The following TXNDC16 variants were observed in gnomAD, a reference collection of about 807,000 sequenced individuals.
The protein encoded by TXNDC16 is thioredoxin domain-containing protein 16.
In TXNDC16, 74 loss-of-function variants were observed where a neutral mutation model predicts 85.6. The ratio of observed to expected loss-of-function variants is 0.86; its 90% CI spans 0.72 to 1.05. TXNDC16 has a LOEUF of 1.05. TXNDC16 is among the 50% of genes least tolerant of loss of function. The pLI is 0.00. For missense variants in TXNDC16, 959 were observed against 947.0 expected, an observed-to-expected ratio of 1.01 and a Z score of -0.17; for synonymous variants, 335 against 326.5, an observed-to-expected ratio of 1.03 and a Z score of -0.28.
intron 14 of TXNDC16, among the ~76,000 whole-genome samples, chr14:52,478,185 T>C (rs1049685696): frequency 6.6e-6 from 1 of 152,020 alleles, no homozygotes; most frequent in African/African-American, 2.4e-5. Flanking sequence ...AAGGCAGTGC[T>C]AAGAGGAAAG....
chr14:52,489,506 C>T (rs139024241), intron 11 of TXNDC16, among the ~76,000 whole-genome samples: 2 of 151,970 alleles, frequency 1.3e-5, no homozygotes, highest in Non-Finnish European at 1.5e-5. Context: ...ATATTCGAAA[C>T]GAGCAATTTT....
At chr14:52,490,725 T>A in intron 10 of TXNDC16, 114 bp downstream of exon 10, 6 of 1,168,844 alleles carry the variant, frequency 5.1e-6, no homozygotes, top group Non-Finnish European at 7.2e-6. Context: ...TCTAACTATA[T>A]TGGAATCTAT....
intron 4 of TXNDC16, among the ~76,000 whole-genome samples, chr14:52,538,433 C>G (rs1050175522): frequency 6.6e-6 from 1 of 152,070 alleles, no homozygotes; most frequent in African/African-American, 2.4e-5. Context: ...ACAATCTTGG[C>G]AACAACATGA....
rs149209007 is a variant in TXNDC16, at chr14:52,469,977, A to G, written c.1618+60T>C. On this transcript the variant is annotated intron_variant, in intron 16 of 20. Transcript: ENST00000281741. ...TAATTTAAAAAGATATTCTTAAAAA[A>G]TAAAACTAGCAAGCAATGATATACT... is the stretch of plus-strand genomic sequence containing the variant. 3,395 of 1,430,318 alleles carry G rather than the reference A, an allele frequency of 2.4e-3. 69 individuals are homozygous for G. The African/African-American group carries it at 0.042, about 18-fold the overall frequency. 88.6% of individuals were successfully genotyped at this position (1,430,318 alleles called of 1,614,324 possible).
At chr14:52,471,549 C>A (rs1227882389) in intron 14 of TXNDC16, among the ~76,000 whole-genome samples, 1 of 152,140 alleles carries the variant, frequency 6.6e-6, no homozygotes, top group East Asian at 1.9e-4. Flanking sequence ...ATTATAGAAC[C>A]ATGCTCTTTT....
At chr14:52,452,576 T>C (rs1209424733) in intron 18 of TXNDC16, among the ~76,000 whole-genome samples, 4 of 152,080 alleles carry the variant, frequency 2.6e-5, no homozygotes, top group African/African-American at 4.8e-5. Context: ...AGAACATACA[T>C]TGGGGAAAGA....
At chr14:52,544,929 T>C (rs117158696) in intron 1 of TXNDC16, among the ~76,000 whole-genome samples, 2,453 of 152,252 alleles carry the variant, frequency 0.016, 30 homozygotes, top group Non-Finnish European at 0.028. Flanking sequence ...GATTATACAT[T>C]ATAACCATTT....
chr14:52,466,741 C>A (rs1032511475), intron 16 of TXNDC16, among the ~76,000 whole-genome samples: 1 of 151,902 alleles, frequency 6.6e-6, no homozygotes, highest in African/African-American at 2.4e-5. Flanking sequence ...GTGGCAGGCT[C>A]CTGTAGTCCC....
chr14:52,442,550 T>C (rs944281013), intron 18 of TXNDC16, among the ~76,000 whole-genome samples: 2 of 152,212 alleles, frequency 1.3e-5, no homozygotes, highest in African/African-American at 4.8e-5. Flanking sequence ...TCAGAGCAGC[T>C]TGCATTTGCC....
chr14:52,498,489 C>T (rs2036584478), intron 9 of TXNDC16, among the ~76,000 whole-genome samples: 2 of 151,696 alleles, frequency 1.3e-5, no homozygotes, highest in South Asian at 4.2e-4. Flanking sequence ...ACAAAATCAG[C>T]ATACAAAAAT....
intron 20 of TXNDC16, among the ~76,000 whole-genome samples, chr14:52,438,619 G>C (rs1037833978): frequency 1.3e-5 from 2 of 152,116 alleles, no homozygotes; most frequent in African/African-American, 4.8e-5. Flanking sequence ...CAAAAAATTT[G>C]TATGATTTGC....
rs145028071 is a variant in TXNDC16, at chr14:52,513,763, A to G, written c.605+1117T>C. On this transcript the variant is annotated intron_variant, in intron 8 of 20. Coordinates refer to ENST00000281741, the MANE Select transcript of TXNDC16 (RefSeq NM_020784.3). ...AAATAATAGGACCTATACCTTGCCA[A>G]TAAATAACCACCTCTTTATGTTTTA... Among the ~76,000 whole-genome samples, 234 of 152,076 alleles carry G rather than the reference A, an allele frequency of 1.5e-3. 1 individual carries two copies. Among genetic ancestry groups the G allele is most frequent in the African/African-American group, 5.4e-3 (225 of 41,500 alleles).
At chr14:52,453,466 C>A (rs903576508) in intron 18 of TXNDC16, among the ~76,000 whole-genome samples, 1 of 152,078 alleles carries the variant, frequency 6.6e-6, no homozygotes, top group Non-Finnish European at 1.5e-5. Flanking sequence ...AAATATGGTA[C>A]ATACACACAA....
chr14:52,458,862 C>G (rs754084838), intron 16 of TXNDC16, among the ~76,000 whole-genome samples: 2 of 152,194 alleles, frequency 1.3e-5, no homozygotes, highest in Non-Finnish European at 2.9e-5. Flanking sequence ...CTTAAAAAGT[C>G]TCTTCGTAAA....
intron 16 of TXNDC16, among the ~76,000 whole-genome samples, chr14:52,464,425 T>C (rs988748192): frequency 1.3e-5 from 2 of 152,208 alleles, no homozygotes; most frequent in Non-Finnish European, 2.9e-5. Flanking sequence ...ATCCTATTTG[T>C]GCTTTTTATG....
chr14:52,440,082 AT>A (rs1269931725), intron 19 of TXNDC16, among the ~76,000 whole-genome samples: 67 of 152,306 alleles, frequency 4.4e-4, no homozygotes, highest in Non-Finnish European at 8.8e-4. Flanking sequence ...AAGAATAAAT[AT>A]GTCTTTCATC....
chr14:52,453,625 TTAAAACAA>T (rs2035462138), intron 18 of TXNDC16, among the ~76,000 whole-genome samples: 2 of 152,184 alleles, frequency 1.3e-5, no homozygotes, highest in Admixed American at 6.5e-5. Context: ...GAGCTAAAAC[TTAAAACAA>T]TTGAACTCAT....
At chr14:52,452,527 T>C (rs11846836) in intron 18 of TXNDC16, among the ~76,000 whole-genome samples, 72,621 of 151,914 alleles carry the variant, frequency 0.48, 17,812 homozygotes, top group East Asian at 0.7. Context: ...GAAATAAATC[T>C]GTACATCTAC....
intron 18 of TXNDC16, 84 bp downstream of exon 18, chr14:52,455,240 T>C (rs540157733): frequency 6.6e-7 from 1 of 1,525,404 alleles, no homozygotes; most frequent in Non-Finnish European, 8.9e-7. Flanking sequence ...CAGCAAAAAA[T>C]GGAAAAATGT....
Sources: gnomAD v4.1 joint callset for allele counts (sites outside exome capture counted in the v4.1 genomes callset) on GRCh38, gnomAD v4.1.1 for gene constraint, MANE v1.5 for transcripts, NCBI Gene and HGNC (gene_info 2026-07-23, HGNC 2026-07-21) for gene names.